SETD5: variants seen among roughly 807,000 people sequenced by gnomAD.
The protein encoded by SETD5 is SET domain containing 5.
Under a neutral mutation model 153.3 loss-of-function variants are expected in SETD5, and 44 were observed. The ratio of observed to expected loss-of-function variants is 0.29; its 90% CI spans 0.23 to 0.37. The LOEUF is 0.37. SETD5 is among the 10% of genes least tolerant of loss of function. The pLI is 1.00. For missense variants in SETD5, 1,544 were observed against 1,768.0 expected (o/e 0.87, Z 2.27); for synonymous variants, 716 against 645.2 (o/e 1.11, Z -1.66).
chr3:9,422,564 T>G (rs989547377), intron 1 of SETD5, among the ~76,000 whole-genome samples: 2 of 152,228 alleles, frequency 1.3e-5, no homozygotes, highest in Non-Finnish European at 2.9e-5. Flanking sequence ...TGTGCTTGGA[T>G]AATTGTATTT....
In SETD5 at chr3:9,475,091, G is replaced by A. The variant is rs1064793676; in HGVS notation, c.3655G>A (p.Glu1219Lys). ...DSDPADGEGP[E>K]TLSSALSKGA... ...AGACCCTGCAGATGGAGAAGGCCCA[G>A]AGACATTAAGCTCAGCACTCTCTAA... The change falls in exon 22 of 23, where the codon GAG (glutamate) becomes AAG (lysine). Residue 1219 changes from glutamate to lysine, a missense_variant. Transcript: ENST00000402198. 1 of 1,589,066 alleles carries A rather than the reference G, an allele frequency of 6.3e-7. No homozygotes were observed. The highest frequency in any genetic ancestry group is 8.6e-7 in the Non-Finnish European group (1 of 1,167,938).
intron 1 of SETD5, among the ~76,000 whole-genome samples, chr3:9,403,208 T>C (rs1276629647): frequency 6.6e-6 from 1 of 152,148 alleles, no homozygotes; most frequent in African/African-American, 2.4e-5. Context: ...AACCCCAAAT[T>C]TGATACATTT....
intron 11 of SETD5, among the ~76,000 whole-genome samples, chr3:9,444,145 A>C (rs1306996919): frequency 6.6e-6 from 1 of 152,214 alleles, no homozygotes; most frequent in Non-Finnish European, 1.5e-5. Flanking sequence ...TGAGATTTAA[A>C]GATCCACCCT....
Position 9,475,490 on chromosome 3 carries a change from A to G in SETD5, c.3728A>G (p.Gln1243Arg), listed in dbSNP as rs2045766940. Residue 1243 changes from glutamine (Q) to arginine (R), a missense_variant, in exon 23 of 23, where the codon CAG becomes CGG. This residue lies in a region of SETD5 where 302 missense variants were observed against 277.6 expected (regional missense o/e 1.09). Coordinates refer to ENST00000402198, the MANE Select transcript of SETD5 (RefSeq NM_001080517.3). ...CCTCCCAACTTTGTCTAGCTCCTGC[A>G]GTGTGATAGTCCTCGGACAGAATCA... ...SPSRYSYQLL[Q>R]CDSPRTESQS... 2 of 1,609,040 alleles carry G rather than the reference A, an allele frequency of 1.2e-6. No homozygotes were observed. Among genetic ancestry groups the G allele is most frequent in the South Asian group, 2.2e-5 (2 of 90,986 alleles).
chr3:9,429,778 C>T, intron 3 of SETD5: 2 of 1,203,604 alleles, frequency 1.7e-6, no homozygotes, highest in Non-Finnish European at 2.2e-6. Context: ...TCACAGATTC[C>T]CCCTCTTGTC....
At position 9,447,907 on chromosome 3, in the gene SETD5, A is replaced by G. The variant is rs1359970470; in HGVS notation, c.2004A>G (p.Ser668=). Residue 668 remains serine, a synonymous_variant, in exon 15 of 23, where the codon TCA becomes TCG. Coordinates refer to ENST00000402198, the MANE Select transcript of SETD5 (RefSeq NM_001080517.3). ...CTGAAGCTGGAAGTCTAGACAGTTCAGGAGAAAACAGGCCATTAACAGGGT... is the reference window on the plus strand; with the variant it reads ...CTGAAGCTGGAAGTCTAGACAGTTCGGGAGAAAACAGGCCATTAACAGGGT... The part of the protein sequence containing the change: ...TPTEAGSLDS[S]GENRPLTGSD... 4.3e-6 allele frequency: 7 copies of G among 1,614,016 alleles called. No homozygotes were observed. In the South Asian group the frequency reaches 6.6e-5, roughly 15 times the overall value.
chr3:9,425,683 C>G (rs531684352), intron 2 of SETD5, among the ~76,000 whole-genome samples: 1 of 149,290 alleles, frequency 6.7e-6, no homozygotes, highest in South Asian at 2.1e-4. Flanking sequence ...TCAAACGATT[C>G]TCGTGCCTCA....
Position 9,447,127 on chromosome 3 carries a change from G to T in SETD5, c.1602G>T (p.Gln534His). 1 of 1,614,008 alleles carries T rather than the reference G, an allele frequency of 6.2e-7. No individual in the cohort carries two copies. Reference protein sequence around the residue: ...NLEKRKKRRDQPLEQSNSDVE... With the variant: ...NLEKRKKRRDHPLEQSNSDVE... ...AGAAAAGAAAGAAGCGGCGGGATCA[G>T]CCCTTGGAACAGAGCAACTCTGATG... is the stretch of plus-strand genomic sequence containing the variant. Residue 534 changes from glutamine (Q) to histidine (H), a missense_variant, in exon 14 of 23, where the codon CAG becomes CAT. Physicochemically the swap from Gln to His is conservative, Grantham distance 24 (BLOSUM62 0). Transcript: ENST00000402198.
At chr3:9,473,166 G>A (rs754326777) in intron 19 of SETD5, 70 bp from the exon 20 acceptor site, 1 of 1,506,620 alleles carries the variant, frequency 6.6e-7, no homozygotes, top group Non-Finnish European at 8.9e-7. Context: ...TTCTTTCCCT[G>A]TTGCTGGTGA....
chr3:9,413,719 C>T (rs1303738127), intron 1 of SETD5, among the ~76,000 whole-genome samples: 1 of 150,836 alleles, frequency 6.6e-6, no homozygotes, highest in Non-Finnish European at 1.5e-5. Flanking sequence ...TAATTGGCCT[C>T]TTCCAGCAAA....
chr3:9,441,926 T>G (rs2041341916), intron 9 of SETD5, among the ~76,000 whole-genome samples, 185 bp downstream of exon 9: 1 of 152,240 alleles, frequency 6.6e-6, no homozygotes, highest in African/African-American at 2.4e-5. Flanking sequence ...ATGTATAAAA[T>G]GGTGACACCT....
chr3:9,426,869 T>C (rs2039329213), intron 2 of SETD5, among the ~76,000 whole-genome samples: 1 of 151,968 alleles, frequency 6.6e-6, no homozygotes, highest in Non-Finnish European at 1.5e-5. Flanking sequence ...ATATGTCACC[T>C]CCAATTGGGT....
At chr3:9,405,514 G>A (rs1409109078) in intron 1 of SETD5, among the ~76,000 whole-genome samples, 1 of 151,742 alleles carries the variant, frequency 6.6e-6, no homozygotes, top group Non-Finnish European at 1.5e-5. Flanking sequence ...CCCCCACAAA[G>A]GGGGAAATTT....
At chr3:9,442,416 G>A (rs918761315) in intron 10 of SETD5, among the ~76,000 whole-genome samples, 171 bp downstream of exon 10, 6 of 152,170 alleles carry the variant, frequency 3.9e-5, no homozygotes, top group South Asian at 2.1e-4. Flanking sequence ...CAAAATGGGC[G>A]CAAGGAAAGA....
In SETD5 at chr3:9,470,812, C is replaced by T; in HGVS notation, c.3078C>T (p.Ser1026=). 6.2e-7 allele frequency: 1 copy of T among 1,613,472 alleles called. No individual in the cohort carries two copies. The highest frequency in any genetic ancestry group is 8.5e-7 in the Non-Finnish European group (1 of 1,179,638). Residue 1026 remains serine, a synonymous_variant, in exon 19 of 23, where the codon TCC becomes TCT. Transcript: ENST00000402198. ...ATTGTTCCCCTGCAGAAGGATTTTC[C>T]AGCAGATATGAACATGGCTTAATGA... ...GGYCSPAEGF[S]SRYEHGLMKD...
intron 18 of SETD5, among the ~76,000 whole-genome samples, chr3:9,467,594 G>A (rs1312722208): frequency 6.6e-6 from 1 of 152,060 alleles, no homozygotes; most frequent in East Asian, 1.9e-4. Flanking sequence ...ACCTCAGCAT[G>A]TGCCTGCCAC....
intron 11 of SETD5, 78 bp from the exon 12 acceptor site, chr3:9,444,969 AT>A (rs2041762350): frequency 1.3e-6 from 2 of 1,533,510 alleles, no homozygotes; most frequent in African/African-American, 2.8e-5. Context: ...CTGTACTGAT[AT>A]TTTAAGAGGG....
chr3:9,425,055 C>CTTTTTTTTTTTTT lies in SETD5; in HGVS notation c.-117+540_-117+552dup, dbSNP rs778883904. On this transcript the variant is annotated intron_variant, in intron 2 of 22. Transcript: ENST00000402198. The stretch of plus-strand genomic sequence containing the variant: ...AAATTTATAGTTACCGACAATGTTT[C>CTTTTTTTTTTTTT]TTTTTTTTTTTTTTTTTTTTTTTGA... 3.8e-4 allele frequency among the ~76,000 whole-genome samples: 32 copies of CTTTTTTTTTTTTT among 83,640 alleles called. 2 individuals are homozygous for CTTTTTTTTTTTTT. Among genetic ancestry groups the CTTTTTTTTTTTTT allele is most frequent in the African/African-American group, 1.3e-3 (26 of 20,434 alleles). The allele number at this position is 83,640 out of a possible 152,430, so 54.9% of individuals were successfully genotyped here.
At chr3:9,456,621 A>G (rs762193248) in intron 17 of SETD5, among the ~76,000 whole-genome samples, 2 of 152,202 alleles carry the variant, frequency 1.3e-5, no homozygotes, top group African/African-American at 4.8e-5. Context: ...TAATTATTAT[A>G]CGGTCATTAT....
Sources: allele counts gnomAD v4.1 joint callset (sites outside exome capture counted in the v4.1 genomes callset), GRCh38; gene constraint gnomAD v4.1.1; regional missense constraint gnomAD v4.1.1; transcripts MANE v1.5; gene names NCBI Gene and HGNC (gene_info 2026-07-23, HGNC 2026-07-21).